Variants in ADGRL3 observed in about 807,000 individuals in gnomAD.
ADGRL3 encodes the protein calcium-independent alpha-latrotoxin receptor 3.
Under a neutral mutation model 153.5 loss-of-function variants are expected in ADGRL3, and 62 were observed. The observed-to-expected ratio is 0.40, with a 90% confidence interval of 0.33 to 0.50. The LOEUF (loss-of-function observed/expected upper bound fraction) is 0.50. ADGRL3 is among the 20% of genes least tolerant of loss of function. ADGRL3 has a pLI of 0.47. For synonymous variants in ADGRL3, 710 were observed against 672.5 expected, an observed-to-expected ratio of 1.06 and a Z score of -0.86; for missense variants, 1,641 against 1,859.4, an observed-to-expected ratio of 0.88 and a Z score of 2.16.
chr4:61,347,636 T>C (rs2095948368), intron 1 of ADGRL3, among the ~76,000 whole-genome samples: 1 of 151,716 alleles, frequency 6.6e-6, no homozygotes, highest in African/African-American at 2.4e-5. Flanking sequence ...GCTTTGCTTT[T>C]TATTAAGTTG....
At chr4:61,391,255 G>A (rs2096798395) in intron 2 of ADGRL3, among the ~76,000 whole-genome samples, 1 of 152,172 alleles carries the variant, frequency 6.6e-6, no homozygotes, top group African/African-American at 2.4e-5. Context: ...AGAAGGCAAA[G>A]AGGGCCCAGT....
At position 61,346,308 on chromosome 4, in the gene ADGRL3, T is replaced by TACACACACACAC. The variant is rs10693257; in HGVS notation, c.-239-36792_-239-36781dup. Among the ~76,000 whole-genome samples the TACACACACACAC allele has an allele frequency of 5.0e-3, 719 of 144,620 alleles. 1 individual carries two copies. The highest frequency in any genetic ancestry group is 0.017 in the South Asian group (77 of 4,458). 94.9% of individuals were successfully genotyped at this position (144,620 alleles called of 152,430 possible). On this transcript the variant is annotated intron_variant, in intron 1 of 26. Coordinates refer to ENST00000683033, the MANE Select transcript of ADGRL3 (RefSeq NM_001387552.1). ...CTCTCTGTCTCTCTCTGTCACAGTC[T>TACACACACACAC]ACACACACACACACACACACACACA...
chr4:61,302,568 G>T (rs1323698033), intron 1 of ADGRL3, among the ~76,000 whole-genome samples: 1 of 151,782 alleles, frequency 6.6e-6, no homozygotes, highest in Non-Finnish European at 1.5e-5. Flanking sequence ...TGTTTTTAAA[G>T]ATTTAACTTC....
intron 9 of ADGRL3, among the ~76,000 whole-genome samples, chr4:61,853,517 T>A (rs907370689): frequency 2.0e-5 from 3 of 152,176 alleles, no homozygotes; most frequent in African/African-American, 7.2e-5. Context: ...AGCTTTAGTA[T>A]AATGGCTATG....
chr4:61,270,280 A>G (rs1220067706), intron 1 of ADGRL3, among the ~76,000 whole-genome samples: 2 of 151,708 alleles, frequency 1.3e-5, no homozygotes, highest in Non-Finnish European at 3.0e-5. Context: ...TGCCAGGACC[A>G]TGTTTTCTAG....
intron 5 of ADGRL3, among the ~76,000 whole-genome samples, chr4:61,661,444 T>C (rs2094590253): frequency 6.6e-6 from 1 of 152,076 alleles, no homozygotes; most frequent in Non-Finnish European, 1.5e-5. Context: ...CTTGAAAAGA[T>C]TGAAAACCAC....
At chr4:61,759,344 C>A (rs2096879867) in intron 8 of ADGRL3, among the ~76,000 whole-genome samples, 1 of 152,112 alleles carries the variant, frequency 6.6e-6, no homozygotes, top group Non-Finnish European at 1.5e-5. Context: ...CACATAGTCC[C>A]ATATTTCTTG....
chr4:61,953,761 A>G (rs1345596814), intron 17 of ADGRL3, among the ~76,000 whole-genome samples: 1 of 152,168 alleles, frequency 6.6e-6, no homozygotes, highest in Non-Finnish European at 1.5e-5. Flanking sequence ...AGGAGTCCTC[A>G]GAGAGGGCTT....
rs1347803475 is a variant in ADGRL3 at position 62,071,700 on chromosome 4, G to A, written c.*792G>A. The A allele has an allele frequency of 7.1e-6, 3 of 424,792 alleles. No homozygotes were observed. Among genetic ancestry groups the A allele is most frequent in the East Asian group, 7.3e-5 (1 of 13,736 alleles). 26.3% of individuals were successfully genotyped at this position (424,792 alleles called of 1,614,324 possible). A position where few individuals can be genotyped will look rare whatever the true frequency, so the allele number is the denominator to read the frequency against. ...GTCTTGCAAGTTTGTCTACCAGTAA[G>A]AGAGCAAAGTTTCCTTCCTTTCTTC... On this transcript the variant is annotated 3_prime_UTR_variant, in exon 27 of 27. Coordinates refer to ENST00000683033, the MANE Select transcript of ADGRL3 (RefSeq NM_001387552.1).
intron 2 of ADGRL3, among the ~76,000 whole-genome samples, chr4:61,444,412 G>A (rs2097559287): frequency 6.6e-6 from 1 of 152,072 alleles, no homozygotes; most frequent in Admixed American, 6.6e-5. Context: ...TCCCCAGCCA[G>A]CCCCTGACTG....
intron 17 of ADGRL3, among the ~76,000 whole-genome samples, chr4:61,950,741 A>C (rs2098943945): frequency 6.6e-6 from 1 of 152,186 alleles, no homozygotes; most frequent in Non-Finnish European, 1.5e-5. Flanking sequence ...TAAAGTGTGG[A>C]GAGCTGGCAA....
At chr4:62,040,088 C>A (rs1727374303) in intron 24 of ADGRL3, among the ~76,000 whole-genome samples, 1 of 152,016 alleles carries the variant, frequency 6.6e-6, no homozygotes, top group Non-Finnish European at 1.5e-5. Context: ...TGACACAGAA[C>A]AAGTTACTAA....
intron 4 of ADGRL3, among the ~76,000 whole-genome samples, chr4:61,520,050 C>T (rs543382510): frequency 6.6e-6 from 1 of 152,246 alleles, no homozygotes; most frequent in East Asian, 1.9e-4. Flanking sequence ...TTTTTCCCCC[C>T]TTTGAATTCA....
intron 2 of ADGRL3, among the ~76,000 whole-genome samples, chr4:61,392,440 A>T (rs1002146802): frequency 6.6e-6 from 1 of 151,372 alleles, no homozygotes; most frequent in Non-Finnish European, 1.5e-5. Flanking sequence ...TAATCCCAGC[A>T]CTTTGGGAGG....
At chr4:61,291,210 A>ACACACG (rs1553894990) in intron 1 of ADGRL3, among the ~76,000 whole-genome samples, 7,117 of 133,336 alleles carry the variant, frequency 0.053, 164 homozygotes, top group African/African-American at 0.066. Flanking sequence ...ACACACACAC[A>ACACACG]CACACACGCA....
At chr4:61,838,606 C>T (rs1486587728) in intron 9 of ADGRL3, among the ~76,000 whole-genome samples, 1 of 152,112 alleles carries the variant, frequency 6.6e-6, no homozygotes, top group Non-Finnish European at 1.5e-5. Flanking sequence ...TACAGAAACA[C>T]AAATGCTTAA....
At chr4:61,874,291 T>A (rs1465561077) in intron 9 of ADGRL3, among the ~76,000 whole-genome samples, 3 of 152,172 alleles carry the variant, frequency 2.0e-5, no homozygotes, top group Non-Finnish European at 4.4e-5. Flanking sequence ...TGCTGGCCAC[T>A]GGTCTCAGCT....
At chr4:61,775,445 GTCT>G in intron 8 of ADGRL3, 1 of 690,488 alleles carries the variant, frequency 1.4e-6, no homozygotes, top group Non-Finnish European at 2.7e-6. Flanking sequence ...AAAGATTTAT[GTCT>G]TCATTTCTTG....
At chr4:61,654,143 T>C (rs1255263383) in intron 5 of ADGRL3, among the ~76,000 whole-genome samples, 1 of 152,234 alleles carries the variant, frequency 6.6e-6, no homozygotes, top group Non-Finnish European at 1.5e-5. Flanking sequence ...TTGCTAAATT[T>C]TTAATTTCTC....
Sources: allele counts gnomAD v4.1 joint callset (sites outside exome capture counted in the v4.1 genomes callset), GRCh38; gene constraint gnomAD v4.1.1; transcripts MANE v1.5; gene names NCBI Gene and HGNC (gene_info 2026-07-23, HGNC 2026-07-21).